ADSS1: variants seen among roughly 807,000 people sequenced by gnomAD.
ADSS1 encodes adenylosuccinate synthetase isozyme 1.
A neutral mutation model predicts 59.1 loss-of-function variants in ADSS1; 57 were observed. The ratio of observed to expected loss-of-function variants is 0.97; its 90% CI spans 0.78 to 1.20. The LOEUF is 1.20. Among genes scored for constraint, ADSS1 ranks in the 50% most tolerant of loss-of-function variants. ADSS1 has a pLI of 0.00. For missense variants in ADSS1, 603 were observed against 610.3 expected (o/e 0.99, Z 0.13); for synonymous variants, 247 against 249.4 (o/e 0.99, Z 0.09).
At chr14:104,724,734 G>A (rs1215525003) in intron 1 of ADSS1, among the ~76,000 whole-genome samples, 1 of 152,082 alleles carries the variant, frequency 6.6e-6, no homozygotes, top group Non-Finnish European at 1.5e-5. Flanking sequence ...AAGTCGCTGA[G>A]TTGGGGACAC....
intron 1 of ADSS1, among the ~76,000 whole-genome samples, chr14:104,725,979 GCCCCCCACCCAGT>G (rs1566792455): frequency 6.6e-6 from 1 of 152,158 alleles, no homozygotes; most frequent in Non-Finnish European, 1.5e-5. Flanking sequence ...TCCCTGCTGT[GCCCCCCACCCAGT>G]CCCCCCACAG....
At position 104,746,931 on chromosome 14, in the gene ADSS1, A is replaced by C; in HGVS notation, c.1322-20A>C. ...TTCTGCCTCCAGTGTGTATCATAAC[A>C]GTCTTTTCTGCTCTCTCAGTCAAAT... is the stretch of plus-strand genomic sequence containing the variant. On this transcript the variant is annotated intron_variant, in intron 12 of 12. Transcript: ENST00000330877. 6.2e-7 allele frequency: 1 copy of C among 1,613,784 alleles called. No homozygotes were observed. Among genetic ancestry groups the C allele is most frequent in the Non-Finnish European group, 8.5e-7 (1 of 1,179,694 alleles).
At chr14:104,744,361 T>G (rs1891478988) in intron 10 of ADSS1, 2 of 158,138 alleles carry the variant, frequency 1.3e-5, no homozygotes, top group Admixed American at 1.2e-4. Flanking sequence ...TAATCTCTCT[T>G]TTCCACTCAG....
intron 11 of ADSS1, chr14:104,745,941 G>T: frequency 3.9e-6 from 1 of 253,344 alleles, no homozygotes; most frequent in African/African-American, 2.2e-5. Flanking sequence ...TCCAAGCCAA[G>T]GCTTGGAGTG....
chr14:104,740,809 A>G lies in ADSS1; in HGVS notation c.585-30A>G, dbSNP rs570002015. On this transcript the variant is annotated intron_variant, in intron 6 of 12. Transcript: ENST00000330877. This position sits in a 1 kb window ranked among gnomAD's most constrained non-coding sequence, Gnocchi z 4.8. ...CCTGAGGACCAGCATGGACCATGAC[A>G]GGGGGTGATGATGACTGTCCCTTGT... 8.7e-5 allele frequency: 138 copies of G among 1,595,010 alleles called. No homozygotes were observed. The highest frequency in any genetic ancestry group is 1.0e-4 in the Non-Finnish European group (123 of 1,178,114).
rs1232529678 is a variant in ADSS1, at chr14:104,744,912, A to T, written c.1171+3A>T. 6.2e-7 allele frequency: 1 copy of T among 1,613,830 alleles called. No homozygotes were observed. Among genetic ancestry groups the T allele is most frequent in the African/African-American group, 1.3e-5 (1 of 75,056 alleles). On this transcript the variant is annotated splice_donor_region_variant and intron_variant, in intron 11 of 12. Coordinates refer to ENST00000330877, the MANE Select transcript of ADSS1 (RefSeq NM_152328.5). ...GAAAAGGATTCCCTATTTCCCAGGT[A>T]TGTGAAGTGGGGCAACCGTTCTGCC...
Position 104,739,476 on chromosome 14 carries a change from C to T in ADSS1, c.409+98C>T, listed in dbSNP as rs556443580. 7.6e-5 allele frequency: 104 copies of T among 1,365,902 alleles called. 1 individual carries two copies. In the East Asian group the frequency reaches 2.4e-3, roughly 31 times the overall value. The allele number at this position is 1,365,902 out of a possible 1,614,324, so 84.6% of individuals were successfully genotyped here. A position where few individuals can be genotyped will look rare whatever the true frequency, so the allele number is the denominator to read the frequency against. ...TGGCCACCGAGATCAGGGAAGTCCC[C>T]AAGGCCTTCTTGCTCCACATGGCTC... On this transcript the variant is annotated intron_variant, in intron 4 of 12. Coordinates refer to ENST00000330877, the MANE Select transcript of ADSS1 (RefSeq NM_152328.5).
intron 10 of ADSS1, chr14:104,743,460 T>C: frequency 2.3e-6 from 1 of 426,670 alleles, no homozygotes; most frequent in Non-Finnish European, 4.4e-6. Flanking sequence ...TGTGAGAGGT[T>C]AAAATGCTTC....
Position 104,724,254 on chromosome 14 carries a change from G to C in ADSS1, c.-17G>C. Reference sequence around the variant, plus strand: ...GGGCTCCTGGCCGGGCCAGCGCAGCGGAAGAGCCAAGCCAGCATGTCGGGG... The same window carrying C: ...GGGCTCCTGGCCGGGCCAGCGCAGCCGAAGAGCCAAGCCAGCATGTCGGGG... On this transcript the variant is annotated 5_prime_UTR_variant, in exon 1 of 13. Transcript: ENST00000330877. 1 of 1,225,748 alleles carries C rather than the reference G, an allele frequency of 8.2e-7. No individual in the cohort carries two copies. The allele number at this position is 1,225,748 out of a possible 1,614,324, so 75.9% of individuals were successfully genotyped here.
At chr14:104,729,055 G>A (rs1298579582) in intron 1 of ADSS1, among the ~76,000 whole-genome samples, 2 of 152,144 alleles carry the variant, frequency 1.3e-5, no homozygotes, top group Non-Finnish European at 2.9e-5. Context: ...AGCGAGCCTC[G>A]TCCAGGTGTT....
At chr14:104,743,225 C>G in intron 10 of ADSS1, 34 bp downstream of exon 10, 1 of 1,602,166 alleles carries the variant, frequency 6.2e-7, no homozygotes, top group Non-Finnish European at 8.5e-7. Context: ...CCACTGGGAC[C>G]GTCCCTGACT....
At chr14:104,728,201 G>A (rs1890776613) in intron 1 of ADSS1, among the ~76,000 whole-genome samples, 1 of 152,164 alleles carries the variant, frequency 6.6e-6, no homozygotes, top group Non-Finnish European at 1.5e-5. Flanking sequence ...TAGGCTCCAG[G>A]GTGCACCAGA....
chr14:104,732,411 GT>G (rs1890964143), intron 1 of ADSS1, among the ~76,000 whole-genome samples: 2 of 152,168 alleles, frequency 1.3e-5, no homozygotes, highest in Non-Finnish European at 2.9e-5. Flanking sequence ...GGACAGACTG[GT>G]GTCTCTCTGG....
In ADSS1 at chr14:104,725,577, C is replaced by T. The variant is rs536412701; in HGVS notation, c.192+1115C>T. Among the ~76,000 whole-genome samples the T allele has an allele frequency of 2.6e-5, 4 of 152,256 alleles. No individual in the cohort carries two copies. In the East Asian group the frequency reaches 5.8e-4, roughly 22 times the overall value. On this transcript the variant is annotated intron_variant, in intron 1 of 12. Transcript: ENST00000330877. ...GCTTCCTAGAAAGTTCTTCCTGGAA[C>T]AGTGGGGGACCTCCCCCCTTGCTCT...
intron 1 of ADSS1, among the ~76,000 whole-genome samples, chr14:104,733,563 G>A (rs184585527): frequency 3.3e-5 from 5 of 152,328 alleles, no homozygotes; most frequent in African/African-American, 1.2e-4. Flanking sequence ...GGCGGGGAAA[G>A]GCTATGTGAG....
At chr14:104,729,462 T>C (rs981430863) in intron 1 of ADSS1, among the ~76,000 whole-genome samples, 4 of 144,254 alleles carry the variant, frequency 2.8e-5, no homozygotes, top group African/African-American at 7.6e-5. Flanking sequence ...GCCTTGCACG[T>C]GTCAGCAGCA....
intron 1 of ADSS1, chr14:104,730,163 C>G: frequency 6.5e-7 from 1 of 1,541,096 alleles, no homozygotes; most frequent in Non-Finnish European, 8.8e-7. Flanking sequence ...CCACACCTGC[C>G]TGCCCAGGAG....
intron 11 of ADSS1, 192 bp downstream of exon 11, chr14:104,745,101 A>C: frequency 1.8e-6 from 1 of 565,370 alleles, no homozygotes; most frequent in Non-Finnish European, 3.2e-6. Context: ...GTTCCCCAGG[A>C]GGCCTGGCTG....
intron 9 of ADSS1, among the ~76,000 whole-genome samples, chr14:104,742,830 C>T (rs954114584): frequency 2.6e-5 from 4 of 152,210 alleles, no homozygotes; most frequent in African/African-American, 7.2e-5. Context: ...TCAGGAAGAG[C>T]GCTCGCCGGC....
Sources: allele counts gnomAD v4.1 joint callset (sites outside exome capture counted in the v4.1 genomes callset), GRCh38; gene constraint gnomAD v4.1.1; non-coding constraint Gnocchi (gnomAD v3.1); transcripts MANE v1.5; gene names NCBI Gene and HGNC (gene_info 2026-07-23, HGNC 2026-07-21).